Variants in CUL2 observed in about 807,000 individuals in gnomAD.
CUL2 encodes the protein cullin 2, also known as cullin-2.
Under a neutral mutation model 110.2 loss-of-function variants are expected in CUL2, and 22 were observed. The observed-to-expected ratio is 0.20, with a 90% CI of 0.14 to 0.28. The LOEUF (loss-of-function observed/expected upper bound fraction) is 0.28. CUL2 is among the 10% of genes least tolerant of loss of function. The pLI is 1.00. For synonymous variants in CUL2, 279 were observed against 293.2 expected (o/e 0.95, Z 0.49); for missense variants, 631 against 905.5 (o/e 0.70, Z 3.89).
Position 35,031,687 on chromosome 10 carries a change from A to C in CUL2, c.1171-68T>G. On this transcript the variant is annotated intron_variant, in intron 12 of 20. Coordinates refer to ENST00000374749, the MANE Select transcript of CUL2 (RefSeq NM_003591.4). The surrounding 1 kb of genome is among the most constrained non-coding windows in gnomAD (Gnocchi z 4.4). ...GTATATATCACGCCTCAAAGGAGGC[A>C]AAGTGGTGATACAAGGTAAGATCAG... The C allele has an allele frequency of 6.5e-7, 1 of 1,538,630 alleles. No individual in the cohort carries two copies. The highest frequency in any genetic ancestry group is 8.9e-7 in the Non-Finnish European group (1 of 1,123,100).
At chr10:35,055,001 T>C (rs1043637758) in intron 4 of CUL2, among the ~76,000 whole-genome samples, 1 of 152,150 alleles carries the variant, frequency 6.6e-6, no homozygotes, top group African/African-American at 2.4e-5. Flanking sequence ...TTACAGATAG[T>C]AAGTATGGGC....
At chr10:35,064,984 G>A (rs181526552) in intron 2 of CUL2, among the ~76,000 whole-genome samples, 1 of 152,100 alleles carries the variant, frequency 6.6e-6, no homozygotes, top group East Asian at 1.9e-4. Context: ...TGCACTGTTG[G>A]ACTCCTTCAG....
chr10:35,042,773 C>T (rs2085828053), intron 8 of CUL2, among the ~76,000 whole-genome samples: 1 of 152,108 alleles, frequency 6.6e-6, no homozygotes, highest in African/African-American at 2.4e-5. Context: ...GTGAGTGTTT[C>T]CCTAAGTTCT....
At chr10:35,108,863 A>C (rs2135124839) in intron 1 of CUL2, among the ~76,000 whole-genome samples, 1 of 152,262 alleles carries the variant, frequency 6.6e-6, no homozygotes, top group South Asian at 2.1e-4. Context: ...TCTCCTCATA[A>C]ATTGTTAGCT....
intron 1 of CUL2, among the ~76,000 whole-genome samples, chr10:35,083,885 G>A (rs573554661): frequency 6.6e-6 from 1 of 152,176 alleles, no homozygotes; most frequent in East Asian, 1.9e-4. Flanking sequence ...ATTTACATAT[G>A]GCAAATCCAT....
chr10:35,094,435 A>G (rs967142096), upstream of CUL2, among the ~76,000 whole-genome samples: 7 of 152,190 alleles, frequency 4.6e-5, no homozygotes, highest in Non-Finnish European at 8.8e-5. Flanking sequence ...GGGTTTCACC[A>G]TGTTGGTCAG....
chr10:35,036,662 T>C (rs2384281), intron 9 of CUL2, among the ~76,000 whole-genome samples: 22,972 of 152,226 alleles, frequency 0.15, 1,962 homozygotes, highest in East Asian at 0.24. Flanking sequence ...TTTTTGAGCA[T>C]TTTATATTTT....
At chr10:35,046,927 CAAAAA>C (rs760695191) in intron 6 of CUL2, among the ~76,000 whole-genome samples, 2 of 139,612 alleles carry the variant, frequency 1.4e-5, no homozygotes, top group African/African-American at 5.3e-5. Context: ...CAAAACAAAA[CAAAAA>C]CAAAAAACTG....
At chr10:35,049,164 G>C (rs1230880016) in intron 6 of CUL2, among the ~76,000 whole-genome samples, 1 of 152,196 alleles carries the variant, frequency 6.6e-6, no homozygotes, top group Non-Finnish European at 1.5e-5. Flanking sequence ...TATTCACACA[G>C]CACTAGGGTA....
chr10:35,059,414 G>A (rs896816878), intron 4 of CUL2, among the ~76,000 whole-genome samples: 6 of 152,142 alleles, frequency 3.9e-5, no homozygotes, highest in Non-Finnish European at 8.8e-5. Flanking sequence ...TAAGAAGACT[G>A]GCAAAAGGAT....
chr10:35,092,834 A>G (rs2087232338), upstream of CUL2, among the ~76,000 whole-genome samples: 1 of 152,130 alleles, frequency 6.6e-6, no homozygotes, highest in Non-Finnish European at 1.5e-5. Context: ...GACTAATGAA[A>G]AGCAGCAAGA....
intron 2 of CUL2, chr10:35,099,388 TA>T (rs754369641): frequency 0.037 from 4,089 of 110,458 alleles, 143 homozygotes; most frequent in African/African-American, 0.11. Context: ...AGACTCCGTC[TA>T]AAAAAAAAAA....
intron 1 of CUL2, among the ~76,000 whole-genome samples, chr10:35,085,617 G>A (rs761622933): frequency 2.0e-5 from 3 of 148,340 alleles, no homozygotes; most frequent in African/African-American, 5.0e-5. Context: ...GGTGGCAGGC[G>A]CCTGTAGTCC....
At chr10:35,020,672 C>T (rs1030961387) in intron 17 of CUL2, among the ~76,000 whole-genome samples, 1 of 152,172 alleles carries the variant, frequency 6.6e-6, no homozygotes, top group Non-Finnish European at 1.5e-5. Flanking sequence ...CAACTTCTTG[C>T]TCTGCCACAA....
intron 1 of CUL2, among the ~76,000 whole-genome samples, chr10:35,089,740 C>T (rs996052730): frequency 1.3e-5 from 2 of 152,186 alleles, no homozygotes; most frequent in African/African-American, 4.8e-5. Context: ...GATACTCCTC[C>T]CCAAAGCTAT....
Position 35,044,547 on chromosome 10 carries a change from G to A in CUL2, c.714+19C>T, listed in dbSNP as rs953981319. On this transcript the variant is annotated intron_variant, in intron 8 of 20. Transcript: ENST00000374749. Reference sequence around the variant, plus strand: ...AGATACAAAATAGATAAATGTATTCGATATGTTTTATTTCTTACCTTTTCC... The same window carrying A: ...AGATACAAAATAGATAAATGTATTCAATATGTTTTATTTCTTACCTTTTCC... The A allele has an allele frequency of 6.3e-6, 9 of 1,437,632 alleles. No individual in the cohort carries two copies. Among genetic ancestry groups the A allele is most frequent in the Middle Eastern group, 2.5e-4 (1 of 4,056 alleles). 89.1% of individuals were successfully genotyped at this position (1,437,632 alleles called of 1,614,324 possible).
chr10:35,068,503 G>A (rs1211627747), intron 2 of CUL2, among the ~76,000 whole-genome samples: 1 of 152,154 alleles, frequency 6.6e-6, no homozygotes, highest in East Asian at 1.9e-4. Flanking sequence ...GTGGGATTGT[G>A]AACTTAGAGG....
In CUL2 at chr10:35,099,447, G is replaced by T. The variant is rs562205945; in HGVS notation, c.167+1397C>A. The T allele has an allele frequency of 5.9e-4, 89 of 151,066 alleles. 1 individual carries two copies. The highest frequency in any genetic ancestry group is 2.0e-3 in the African/African-American group (83 of 41,166). 9.4% of individuals were successfully genotyped at this position (151,066 alleles called of 1,614,324 possible). A position where few individuals can be genotyped will look rare whatever the true frequency, so the allele number is the denominator to read the frequency against. Reference sequence around the variant, plus strand: ...CAAGTGGTTCCTGAATACTGGGTTTGCTCAACATCAGTGTTAGAAGTAGAA... The same window carrying T: ...CAAGTGGTTCCTGAATACTGGGTTTTCTCAACATCAGTGTTAGAAGTAGAA... On this transcript the variant is annotated intron_variant, in intron 2 of 5. Coordinates refer to the CUL2 transcript ENST00000685421.
intron 1 of CUL2, chr10:35,074,415 T>C (rs1328583694): frequency 1.3e-5 from 8 of 611,422 alleles, no homozygotes; most frequent in Non-Finnish European, 2.0e-5. Flanking sequence ...CTTACTATTT[T>C]CTCTACCTAA....
Sources: gnomAD v4.1 joint callset for allele counts (sites outside exome capture counted in the v4.1 genomes callset) on GRCh38, gnomAD v4.1.1 for gene constraint, Gnocchi (gnomAD v3.1) non-coding constraint, MANE v1.5 for transcripts, NCBI Gene and HGNC (gene_info 2026-07-23, HGNC 2026-07-21) for gene names.